SLC9C1: variants seen among roughly 807,000 people sequenced by gnomAD.
SLC9C1 encodes the protein solute carrier family 9 member C1, also known as sodium/hydrogen exchanger 10.
SLC9C1 carries 97 observed loss-of-function variants against 140.9 expected under a neutral mutation model. That is an observed-to-expected ratio of 0.69 (90% CI 0.58 to 0.82). The LOEUF is 0.82. Among genes scored for constraint, SLC9C1 ranks in the 40% least tolerant of loss-of-function variants. The pLI is 0.00. For synonymous variants in SLC9C1, 440 were observed against 442.6 expected (o/e 0.99, Z 0.07); for missense variants, 1,340 against 1,389.3 (o/e 0.96, Z 0.56).
rs575510329 is a variant in SLC9C1, at chr3:112,294,192, A to T, written c.-187T>A. 2 of 152,394 alleles carry T rather than the reference A, an allele frequency of 1.3e-5. No individual in the cohort carries two copies. Among genetic ancestry groups the T allele is most frequent in the Admixed American group, 1.3e-4 (2 of 15,306 alleles). 9.4% of individuals were successfully genotyped at this position (152,394 alleles called of 1,614,324 possible). ...AACAGCCCAGACCAACTGCAACCTC[A>T]CTGACAGTTACTTGCTCCAAACTCG... On this transcript the variant is annotated 5_prime_UTR_variant, in exon 1 of 29. Transcript: ENST00000305815.
Position 112,167,260 on chromosome 3 carries a change from C to A in SLC9C1, c.3325G>T (p.Val1109Phe), listed in dbSNP as rs778076617. 1.9e-6 allele frequency: 3 copies of A among 1,609,666 alleles called. No individual in the cohort carries two copies. Among genetic ancestry groups the A allele is most frequent in the East Asian group, 4.5e-5 (2 of 44,488 alleles). The change falls in exon 26 of 29, where the codon GTT (valine) becomes TTT (phenylalanine). Residue 1109 changes from valine (V) to phenylalanine (F), a missense_variant. Physicochemically the swap from Val to Phe is conservative, Grantham distance 50 (BLOSUM62 -1). Coordinates refer to ENST00000305815, the MANE Select transcript of SLC9C1 (RefSeq NM_183061.3). Reference sequence around the variant, plus strand: ...GTAAGATAACTTTTATGTTTAGGAACAAACTTTCTAATATTCCTTCTGAAT... The same window carrying A: ...GTAAGATAACTTTTATGTTTAGGAAAAAACTTTCTAATATTCCTTCTGAAT... ...KTFRRNIRKFVPKHKSYLTPG... is the reference protein window; with the variant it reads ...KTFRRNIRKFFPKHKSYLTPG...
At chr3:112,288,652 G>T (rs1398318745) in intron 1 of SLC9C1, among the ~76,000 whole-genome samples, 1 of 152,184 alleles carries the variant, frequency 6.6e-6, no homozygotes, top group Non-Finnish European at 1.5e-5. Flanking sequence ...TACTCAGGAG[G>T]CTGAGGGGGT....
chr3:112,284,525 G>C (rs2080448864), intron 2 of SLC9C1, among the ~76,000 whole-genome samples: 1 of 152,210 alleles, frequency 6.6e-6, no homozygotes, highest in Admixed American at 6.5e-5. Context: ...AGATAAAGCT[G>C]ACTATGGGAA....
intron 15 of SLC9C1, among the ~76,000 whole-genome samples, chr3:112,216,117 A>G (rs1369822203): frequency 1.2e-4 from 19 of 152,228 alleles, no homozygotes; most frequent in Non-Finnish European, 1.0e-4. Flanking sequence ...AGGATTCCCT[A>G]TTTAATAAAT....
At chr3:112,168,774 G>T in intron 25 of SLC9C1, 103 bp downstream of exon 25, 3 of 1,108,972 alleles carry the variant, frequency 2.7e-6, no homozygotes, top group Non-Finnish European at 3.8e-6. Context: ...GGAGAAGATT[G>T]GAAGATGAAA....
At chr3:112,266,125 G>T in intron 8 of SLC9C1, 113 bp downstream of exon 8, 1 of 810,866 alleles carries the variant, frequency 1.2e-6, no homozygotes, top group Non-Finnish European at 1.9e-6. Context: ...TAGTTGGGTA[G>T]TTTTCAAGTC....
At chr3:112,180,264 G>A (rs1224352414) in intron 22 of SLC9C1, among the ~76,000 whole-genome samples, 1 of 152,220 alleles carries the variant, frequency 6.6e-6, no homozygotes, top group Non-Finnish European at 1.5e-5. Context: ...GCTCACGCCT[G>A]TAACCCCAGC....
Position 112,226,499 on chromosome 3 carries a change from A to T in SLC9C1, c.1572+4862T>A, listed in dbSNP as rs186286784. 4.6e-5 allele frequency among the ~76,000 whole-genome samples: 7 copies of T among 152,260 alleles called. No homozygotes were observed. In the East Asian group the frequency reaches 1.4e-3, roughly 29 times the overall value. ...CACTTTCGGAGGCTGAGGTGTGCAG[A>T]TCACTTGAGGTCAGGAGTTTGAGAC... is the stretch of plus-strand genomic sequence containing the variant. On this transcript the variant is annotated intron_variant, in intron 13 of 28. Transcript: ENST00000305815.
Position 112,277,877 on chromosome 3 carries a change from C to A in SLC9C1, c.319-17G>T. The A allele has an allele frequency of 6.3e-7, 1 of 1,580,376 alleles. No individual in the cohort carries two copies. Among genetic ancestry groups the A allele is most frequent in the African/African-American group, 1.4e-5 (1 of 73,100 alleles). ...TAAAAGTATCTGCAAAGAAATTTTA[C>A]AATTAGAAAAATCAGACTGCTTTTG... is the stretch of plus-strand genomic sequence containing the variant. On this transcript the variant is annotated splice_polypyrimidine_tract_variant and intron_variant, in intron 4 of 28. Transcript: ENST00000305815.
chr3:112,157,993 G>A (rs928807187), intron 26 of SLC9C1, among the ~76,000 whole-genome samples: 2 of 151,860 alleles, frequency 1.3e-5, no homozygotes, highest in Non-Finnish European at 1.5e-5. Context: ...TCCTTTCCAA[G>A]TTGGATGCCT....
At chr3:112,270,771 A>C (rs1455192398) in intron 6 of SLC9C1, among the ~76,000 whole-genome samples, 1 of 151,918 alleles carries the variant, frequency 6.6e-6, no homozygotes, top group Non-Finnish European at 1.5e-5. Context: ...AGCCGAGATC[A>C]CACCACTGCA....
chr3:112,269,846 G>A (rs1292371684), intron 7 of SLC9C1, 70 bp downstream of exon 7: 14 of 1,331,334 alleles, frequency 1.1e-5, no homozygotes, highest in Non-Finnish European at 1.4e-5. Flanking sequence ...TGCCTGGTAT[G>A]CATTTTTCAT....
intron 26 of SLC9C1, among the ~76,000 whole-genome samples, chr3:112,162,139 G>T (rs1393079183): frequency 6.6e-6 from 1 of 152,162 alleles, no homozygotes; most frequent in East Asian, 1.9e-4. Context: ...AGACTTTGCT[G>T]AAGTTGCTTA....
intron 15 of SLC9C1, among the ~76,000 whole-genome samples, chr3:112,209,305 A>G (rs2108067942): frequency 6.6e-6 from 1 of 152,302 alleles, no homozygotes; most frequent in East Asian, 1.9e-4. Context: ...TTACTCTGTG[A>G]TGGGAGCTGC....
chr3:112,217,643 C>T (rs962017988), intron 14 of SLC9C1, 82 bp from the exon 15 acceptor site: 22 of 1,327,924 alleles, frequency 1.7e-5, no homozygotes, highest in East Asian at 5.0e-5. Context: ...TAATGTTGTA[C>T]ATAAGTTTAA....
At chr3:112,204,507 T>A in intron 16 of SLC9C1, 104 bp from the exon 17 acceptor site, 1 of 1,219,662 alleles carries the variant, frequency 8.2e-7, no homozygotes, top group South Asian at 1.6e-5. Context: ...TCTTATCTAC[T>A]CCACATGTAT....
chr3:112,157,069 T>C (rs1043111520), intron 26 of SLC9C1, among the ~76,000 whole-genome samples: 1 of 152,074 alleles, frequency 6.6e-6, no homozygotes, highest in Admixed American at 6.6e-5. Context: ...GTCTGTTCTT[T>C]TGTGGTCTTA....
At chr3:112,258,321 G>GA (rs2079669423) in intron 10 of SLC9C1, among the ~76,000 whole-genome samples, 1 of 152,190 alleles carries the variant, frequency 6.6e-6, no homozygotes, top group South Asian at 2.1e-4. Context: ...ATTGGATAAA[G>GA]AAAATGTACA....
chr3:112,200,692 T>C lies in SLC9C1; in HGVS notation c.2374+19A>G, dbSNP rs764807441. On this transcript the variant is annotated intron_variant, in intron 19 of 28. Transcript: ENST00000305815. Reference sequence around the variant, plus strand: ...GATGATAAGAGATGGTCATGCTAAATAGGATGAGAGCTACTTACCTAGCTC... The same window carrying C: ...GATGATAAGAGATGGTCATGCTAAACAGGATGAGAGCTACTTACCTAGCTC... 21 of 1,601,346 alleles carry C rather than the reference T, an allele frequency of 1.3e-5. No homozygotes were observed. Among genetic ancestry groups the C allele is most frequent in the Middle Eastern group, 1.7e-4 (1 of 6,004 alleles).
Sources: allele counts gnomAD v4.1 joint callset (sites outside exome capture counted in the v4.1 genomes callset), GRCh38; gene constraint gnomAD v4.1.1; transcripts MANE v1.5; gene names NCBI Gene and HGNC (gene_info 2026-07-23, HGNC 2026-07-21).